Variants in DOCK5 observed in about 807,000 individuals in gnomAD.
The protein encoded by DOCK5 is dedicator of cytokinesis 5.
DOCK5 carries 142 observed loss-of-function variants against 251.8 expected under a neutral mutation model. The observed-to-expected ratio is 0.56, with a 90% confidence interval of 0.49 to 0.65. The LOEUF (loss-of-function observed/expected upper bound fraction) is 0.65, where lower values mean the gene tolerates loss of function less well. DOCK5 is among the 30% of genes least tolerant of loss of function. The pLI is 0.00. For synonymous variants in DOCK5, 842 were observed against 835.5 expected, an observed-to-expected ratio of 1.01 and a Z score of -0.13; for missense variants, 2,111 against 2,312.3, an observed-to-expected ratio of 0.91 and a Z score of 1.79.
At chr8:25,280,305 G>A (rs915635181) in intron 5 of DOCK5, among the ~76,000 whole-genome samples, 4 of 152,150 alleles carry the variant, frequency 2.6e-5, no homozygotes, top group Non-Finnish European at 5.9e-5. Context: ...TTTTTGTTCA[G>A]TCATGTGTTG....
chr8:25,192,729 C>T (rs1245788192), intron 1 of DOCK5, among the ~76,000 whole-genome samples: 2 of 152,180 alleles, frequency 1.3e-5, no homozygotes, highest in Non-Finnish European at 2.9e-5. Context: ...CCAGGCTGGT[C>T]TTGGGCTCCT....
chr8:25,343,181 G>C (rs1012189353), intron 25 of DOCK5, among the ~76,000 whole-genome samples: 4 of 131,334 alleles, frequency 3.0e-5, no homozygotes, highest in African/African-American at 1.2e-4. Context: ...TTTTTTTTTT[G>C]TATTTTTGGG....
intron 9 of DOCK5, 140 bp downstream of exon 9, chr8:25,300,797 T>G (rs1804742084): frequency 1.2e-6 from 1 of 848,214 alleles, no homozygotes; most frequent in African/African-American, 1.7e-5. Context: ...CCCACCCATT[T>G]ATTCAACATG....
chr8:25,331,871 T>G (rs1349690291), intron 18 of DOCK5, among the ~76,000 whole-genome samples: 1 of 150,484 alleles, frequency 6.6e-6, no homozygotes, highest in Non-Finnish European at 1.5e-5. Context: ...CCTCTTTCCC[T>G]CTGAATCCAC....
In DOCK5 at chr8:25,401,038, T is replaced by C; in HGVS notation, c.4898T>C (p.Val1633Ala). Residue 1633 changes from valine (V) to alanine (A), a missense_variant, in exon 47 of 52, where the codon GTA becomes GCA. Val to Ala is a moderately conservative substitution (Grantham distance 64). Coordinates refer to ENST00000276440, the MANE Select transcript of DOCK5 (RefSeq NM_024940.8). ...SSCFRELKEK[V>A]EKHYGVITLP... ...TGCTTCCGGGAACTCAAGGAGAAAG[T>C]AGAAAAGCACTATGGGGTTATAACA... 1 of 1,614,006 alleles carries C rather than the reference T, an allele frequency of 6.2e-7. No individual in the cohort carries two copies. Among genetic ancestry groups the C allele is most frequent in the Non-Finnish European group, 8.5e-7 (1 of 1,179,886 alleles).
At chr8:25,246,808 C>T (rs914406843) in intron 2 of DOCK5, among the ~76,000 whole-genome samples, 5 of 149,412 alleles carry the variant, frequency 3.3e-5, no homozygotes, top group African/African-American at 1.2e-4. Flanking sequence ...TTTTGTCAAG[C>T]TTTTCTAATT....
chr8:25,187,793 G>T (rs1375633961), intron 1 of DOCK5, among the ~76,000 whole-genome samples: 3 of 152,004 alleles, frequency 2.0e-5, no homozygotes, highest in Non-Finnish European at 4.4e-5. Flanking sequence ...TCCCTCCTTT[G>T]GGACTTTGCT....
At chr8:25,334,027 A>G in intron 20 of DOCK5, 69 bp from the exon 21 acceptor site, 1 of 1,218,056 alleles carries the variant, frequency 8.2e-7, no homozygotes, top group Non-Finnish European at 1.2e-6. Flanking sequence ...CGAGATGTTA[A>G]AATGCGGCTT....
At chr8:25,245,625 C>T (rs1448168876) in intron 2 of DOCK5, among the ~76,000 whole-genome samples, 1 of 151,636 alleles carries the variant, frequency 6.6e-6, no homozygotes, top group Non-Finnish European at 1.5e-5. Flanking sequence ...CTGCAACCTC[C>T]ACGTCCTGGG....
At chr8:25,394,850 T>C (rs774478958) in intron 44 of DOCK5, among the ~76,000 whole-genome samples, 9 of 151,862 alleles carry the variant, frequency 5.9e-5, no homozygotes, top group Non-Finnish European at 1.0e-4. Context: ...CAAAAAATTG[T>C]GGTGTCCTTA....
intron 16 of DOCK5, among the ~76,000 whole-genome samples, chr8:25,323,188 C>T (rs1212987505): frequency 1.3e-5 from 2 of 152,200 alleles, no homozygotes; most frequent in East Asian, 3.9e-4. Context: ...CTGCACCCTC[C>T]TCCCAGCTGC....
At chr8:25,270,943 G>A in intron 3 of DOCK5, 2 of 573,562 alleles carry the variant, frequency 3.5e-6, no homozygotes, top group Non-Finnish European at 3.2e-6. Context: ...CAATGTAAAT[G>A]CTATGTAAGT....
chr8:25,212,827 G>A (rs115048488), intron 1 of DOCK5, among the ~76,000 whole-genome samples: 5,290 of 69,372 alleles, frequency 0.076, 1,710 homozygotes, highest in African/African-American at 0.16. Flanking sequence ...ACCCTCCCCA[G>A]CCATGGCAGG....
At chr8:25,376,821 A>G (rs1378165528) in intron 37 of DOCK5, 2 of 152,474 alleles carry the variant, frequency 1.3e-5, no homozygotes, top group South Asian at 2.1e-4. Flanking sequence ...TATTCTGTAT[A>G]TTTAGTCTCC....
intron 1 of DOCK5, among the ~76,000 whole-genome samples, chr8:25,224,525 T>C (rs778583456): frequency 2.0e-5 from 3 of 152,238 alleles, no homozygotes; most frequent in Non-Finnish European, 4.4e-5. Flanking sequence ...AGGAAGTGTG[T>C]CACTCTGAAT....
intron 50 of DOCK5, among the ~76,000 whole-genome samples, chr8:25,409,244 G>C (rs1801575697): frequency 6.6e-6 from 1 of 152,204 alleles, no homozygotes; most frequent in South Asian, 2.1e-4. Flanking sequence ...CTAACCATTA[G>C]TTAGGTAGAC....
chr8:25,366,914 T>C lies in DOCK5; in HGVS notation c.3168T>C (p.His1056=), dbSNP rs772511761. ...ATTTGGCAGTTGCATTTCTCACCCA[T>C]GAGTCCCTTCAGCTTGAAACCTTCT... ...YFHLAVAFLT[H]ESLQLETFSQ... The change falls in exon 31 of 52, where the codon CAT becomes CAC. Residue 1056 remains histidine, a synonymous_variant. Transcript: ENST00000276440. 1 of 1,613,892 alleles carries C rather than the reference T, an allele frequency of 6.2e-7. No homozygotes were observed. The highest frequency in any genetic ancestry group is 1.7e-5 in the Admixed American group (1 of 60,018).
intron 34 of DOCK5, 90 bp from the exon 35 acceptor site, chr8:25,372,469 G>C (rs752577980): frequency 7.4e-7 from 1 of 1,357,084 alleles, no homozygotes; most frequent in Non-Finnish European, 9.8e-7. Context: ...TCCTGCCCCA[G>C]CCACTGCTGA....
intron 5 of DOCK5, 115 bp downstream of exon 5, chr8:25,278,780 C>G: frequency 1.1e-6 from 1 of 921,364 alleles, no homozygotes; most frequent in Non-Finnish European, 1.7e-6. Flanking sequence ...ATGCATTCTC[C>G]CTGGATCACA....
Sources: allele counts gnomAD v4.1 joint callset (sites outside exome capture counted in the v4.1 genomes callset), GRCh38; gene constraint gnomAD v4.1.1; transcripts MANE v1.5; gene names NCBI Gene and HGNC (gene_info 2026-07-23, HGNC 2026-07-21).